Variants in CC2D2A observed in about 807,000 individuals in gnomAD.
CC2D2A encodes the protein coiled-coil and C2 domain containing 2A.
In CC2D2A, 155 loss-of-function variants were observed where a neutral mutation model predicts 212.9. The ratio of observed to expected loss-of-function variants is 0.73; its 90% CI spans 0.64 to 0.83. The LOEUF is 0.83. Among genes scored for constraint, CC2D2A ranks in the 40% least tolerant of loss-of-function variants. The pLI is 0.00. For missense variants in CC2D2A, 1,856 were observed against 1,956.2 expected (o/e 0.95, Z 0.97); for synonymous variants, 667 against 686.5 (o/e 0.97, Z 0.44).
intron 4 of CC2D2A, among the ~76,000 whole-genome samples, chr4:15,493,635 T>G (rs1477553858): frequency 6.6e-6 from 1 of 152,148 alleles, no homozygotes; most frequent in Admixed American, 6.6e-5. Flanking sequence ...TGATCCTGTG[T>G]TATTTGTCTC....
chr4:15,549,054 T>TA (rs1332264388), intron 17 of CC2D2A, among the ~76,000 whole-genome samples: 3 of 152,200 alleles, frequency 2.0e-5, no homozygotes, highest in African/African-American at 7.2e-5. Flanking sequence ...CTATTATAGA[T>TA]ACATATTGAA....
At chr4:15,560,397 G>A (rs1560183103) in intron 22 of CC2D2A, 134 bp from the exon 23 acceptor site, 1 of 556,644 alleles carries the variant, frequency 1.8e-6, no homozygotes, top group Non-Finnish European at 3.2e-6. Flanking sequence ...GACCAGCATT[G>A]CAGAGGAAAG....
At chr4:15,537,614 C>A (rs974336836) in intron 15 of CC2D2A, among the ~76,000 whole-genome samples, 2 of 152,138 alleles carry the variant, frequency 1.3e-5, no homozygotes, top group Non-Finnish European at 2.9e-5. Context: ...TGAATACCTA[C>A]CATTTTTTAA....
At chr4:15,567,544 A>C in intron 25 of CC2D2A, 62 bp downstream of exon 25, 1 of 1,434,252 alleles carries the variant, frequency 7.0e-7, no homozygotes, top group Non-Finnish European at 9.6e-7. Context: ...AATGACTGTA[A>C]ACTTCATGGA....
intron 4 of CC2D2A, among the ~76,000 whole-genome samples, chr4:15,491,852 A>G (rs1361017556): frequency 2.0e-5 from 3 of 152,100 alleles, no homozygotes; most frequent in Non-Finnish European, 4.4e-5. Context: ...CATTTTCTTA[A>G]TGGTGTCTTT....
At position 15,564,047 on chromosome 4, in the gene CC2D2A, C is replaced by A. The variant is rs143243203; in HGVS notation, c.3182+525C>A. The A allele has an allele frequency of 4.6e-3, 713 of 155,900 alleles. 4 individuals are homozygous for A. Among genetic ancestry groups the A allele is most frequent in the African/African-American group, 0.016 (663 of 41,570 alleles). The allele number at this position is 155,900 out of a possible 1,614,324, so 9.7% of individuals were successfully genotyped here. On this transcript the variant is annotated intron_variant, in intron 24 of 36. Coordinates refer to ENST00000424120, the MANE Select transcript of CC2D2A (RefSeq NM_001378615.1). Reference sequence around the variant, plus strand: ...AGTGGGTATGAGCTGGGGAGAGTCACAAAAGGTGTCTGTCCAAGGTTCTGA... The same window carrying A: ...AGTGGGTATGAGCTGGGGAGAGTCAAAAAAGGTGTCTGTCCAAGGTTCTGA...
Position 15,514,822 on chromosome 4 carries a change from G to A in CC2D2A, c.833G>A (p.Arg278Gln), listed in dbSNP as rs775794635. 3.0e-5 allele frequency: 48 copies of A among 1,613,694 alleles called. No homozygotes were observed. The highest frequency in any genetic ancestry group is 4.0e-5 in the Non-Finnish European group (47 of 1,179,770). ...RPADYESIHDRLQMEREMLFI... is the reference protein window; with the variant it reads ...RPADYESIHDQLQMEREMLFI... Reference sequence around the variant, plus strand: ...GCAGATTATGAAAGCATCCATGATCGGCTGCAGATGGAAAGAGAAATGCTC... The same window carrying A: ...GCAGATTATGAAAGCATCCATGATCAGCTGCAGATGGAAAGAGAAATGCTC... Residue 278 changes from arginine (R) to glutamine (Q), a missense_variant, in exon 9 of 37, where the codon CGG becomes CAG. Around this residue, in one of 5 missense-constraint regions of CC2D2A, gnomAD observed 1,512 missense variants for 1,579.3 expected, o/e 0.96. Coordinates refer to ENST00000424120, the MANE Select transcript of CC2D2A (RefSeq NM_001378615.1).
intron 4 of CC2D2A, among the ~76,000 whole-genome samples, chr4:15,500,974 T>A (rs941883669): frequency 6.6e-6 from 1 of 152,166 alleles, no homozygotes; most frequent in Non-Finnish European, 1.5e-5. Context: ...CTGCGACTTA[T>A]CTGGCCCCAG....
chr4:15,482,318 G>T lies in CC2D2A; in HGVS notation c.247+1491G>T, dbSNP rs553246560. ...CTCAAAATTATTTATTACTACCAAA[G>T]ATTACAACTTGTCATTTCAGGCTGC... is the stretch of plus-strand genomic sequence containing the variant. On this transcript the variant is annotated intron_variant, in intron 4 of 36. Transcript: ENST00000424120. 1.4e-5 allele frequency: 14 copies of T among 979,322 alleles called. No individual in the cohort carries two copies. The African/African-American group carries it at 2.4e-4, about 17-fold the overall frequency. The allele number at this position is 979,322 out of a possible 1,614,324, so 60.7% of individuals were successfully genotyped here.
chr4:15,562,014 T>C (rs1560183904), intron 23 of CC2D2A, among the ~76,000 whole-genome samples: 1 of 152,220 alleles, frequency 6.6e-6, no homozygotes, highest in Non-Finnish European at 1.5e-5. Context: ...AAATGTTATA[T>C]GTAAGGCACC....
chr4:15,539,858 A>C (rs1284067765), intron 16 of CC2D2A, among the ~76,000 whole-genome samples: 1 of 152,192 alleles, frequency 6.6e-6, no homozygotes, highest in Non-Finnish European at 1.5e-5. Context: ...TTTATTAAAA[A>C]AATGCTGAAG....
intron 31 of CC2D2A, among the ~76,000 whole-genome samples, chr4:15,587,123 G>A (rs1012524273): frequency 6.6e-6 from 1 of 152,204 alleles, no homozygotes; most frequent in African/African-American, 2.4e-5. Context: ...GTTTCGGAAT[G>A]AAACTGTTTC....
chr4:15,557,235 C>T (rs1719331177), intron 20 of CC2D2A, 69 bp from the exon 21 acceptor site: 3 of 1,012,088 alleles, frequency 3.0e-6, no homozygotes, highest in Non-Finnish European at 4.5e-6. Context: ...TTCCTTGACA[C>T]TCAGTGCCAA....
intron 9 of CC2D2A, 139 bp from the exon 10 acceptor site, chr4:15,515,729 C>A: frequency 1.2e-6 from 1 of 803,800 alleles, no homozygotes; most frequent in Non-Finnish European, 1.9e-6. Context: ...TTCCTTGGTT[C>A]TGCTTTTAAA....
chr4:15,580,229 T>C, intron 30 of CC2D2A, 58 bp downstream of exon 30: 3 of 1,284,330 alleles, frequency 2.3e-6, no homozygotes, highest in Non-Finnish European at 3.4e-6. Flanking sequence ...TTTCAATATA[T>C]TGCCATTTTA....
Position 15,567,576 on chromosome 4 carries a change from T to C in CC2D2A, c.3288+94T>C, listed in dbSNP as rs1453006256. On this transcript the variant is annotated intron_variant, in intron 25 of 36. Coordinates refer to ENST00000424120, the MANE Select transcript of CC2D2A (RefSeq NM_001378615.1). Reference sequence around the variant, plus strand: ...TGGATAGTCTGCTCTCTGCTTCATTTTCTTTGGAAACATACTACTTAGTAA... The same window carrying C: ...TGGATAGTCTGCTCTCTGCTTCATTCTCTTTGGAAACATACTACTTAGTAA... The C allele has an allele frequency of 3.7e-6, 5 of 1,355,006 alleles. No homozygotes were observed. The East Asian group carries it at 9.6e-5, about 26-fold the overall frequency. The allele number at this position is 1,355,006 out of a possible 1,614,324, so 83.9% of individuals were successfully genotyped here. A position where few individuals can be genotyped will look rare whatever the true frequency, so the allele number is the denominator to read the frequency against.
At position 15,536,298 on chromosome 4, in the gene CC2D2A, G is replaced by C. The variant is rs541242304; in HGVS notation, c.1608-622G>C. Reference sequence around the variant, plus strand: ...ACAGGGCGGGGAACATCACACACCAGGGCCTGTCGGGGGTGGGAGGGTTGG... The same window carrying C: ...ACAGGGCGGGGAACATCACACACCACGGCCTGTCGGGGGTGGGAGGGTTGG... On this transcript the variant is annotated intron_variant, in intron 14 of 36. Coordinates refer to ENST00000424120, the MANE Select transcript of CC2D2A (RefSeq NM_001378615.1). Among the ~76,000 whole-genome samples the C allele has an allele frequency of 6.6e-5, 10 of 150,418 alleles. No homozygotes were observed. In the East Asian group the frequency reaches 2.0e-3, roughly 29 times the overall value.
Position 15,596,083 on chromosome 4 carries a change from A to G in CC2D2A, c.4315-2A>G, listed in dbSNP as rs1206734595. 1.9e-6 allele frequency: 3 copies of G among 1,543,106 alleles called. No homozygotes were observed. Among genetic ancestry groups the G allele is most frequent in the Non-Finnish European group, 2.6e-6 (3 of 1,142,038 alleles). ...ATGCTAATGTAGTCTTGTCTTTCTT[A>G]GATTTGGTTTAATATTCAACGATAT... is the stretch of plus-strand genomic sequence containing the variant. On this transcript the variant is annotated splice_acceptor_variant, in intron 33 of 36. Transcript: ENST00000424120. LOFTEE classifies it high-confidence loss of function.
intron 20 of CC2D2A, among the ~76,000 whole-genome samples, chr4:15,557,035 T>C (rs1028100191): frequency 2.0e-5 from 3 of 152,262 alleles, no homozygotes; most frequent in Non-Finnish European, 4.4e-5. Flanking sequence ...TTTTTCAGTC[T>C]GTATATTTGT....
Sources: gnomAD v4.1 joint callset for allele counts (sites outside exome capture counted in the v4.1 genomes callset) on GRCh38, gnomAD v4.1.1 for gene constraint, gnomAD v4.1.1 regional missense constraint, MANE v1.5 for transcripts, NCBI Gene and HGNC (gene_info 2026-07-23, HGNC 2026-07-21) for gene names.